Variants in PRKCE observed in about 807,000 individuals in gnomAD.
PRKCE encodes the protein protein kinase C epsilon type.
A neutral mutation model predicts 85.4 loss-of-function variants in PRKCE; 16 were observed. The observed-to-expected ratio is 0.19, with a 90% CI of 0.13 to 0.28. PRKCE has a LOEUF of 0.28. Among genes scored for constraint, PRKCE ranks in the 10% least tolerant of loss-of-function variants. PRKCE has a pLI of 1.00. For missense variants in PRKCE, 573 were observed against 975.2 expected, an observed-to-expected ratio of 0.59 and a Z score of 5.49; for synonymous variants, 388 against 371.5, an observed-to-expected ratio of 1.04 and a Z score of -0.51.
At chr2:46,114,590 T>G (rs1366673157) in intron 11 of PRKCE, among the ~76,000 whole-genome samples, 1 of 151,624 alleles carries the variant, frequency 6.6e-6, no homozygotes, top group African/African-American at 2.4e-5. Flanking sequence ...GCTAATTTTT[T>G]GTGTTTTTTT....
At chr2:45,767,289 A>G (rs926447135) in intron 1 of PRKCE, among the ~76,000 whole-genome samples, 2 of 152,250 alleles carry the variant, frequency 1.3e-5, no homozygotes, top group Non-Finnish European at 2.9e-5. Context: ...AAAAAAAGGA[A>G]CAAGAAAGTA....
chr2:46,184,560 C>G lies in PRKCE; in HGVS notation c.2068-175C>G, dbSNP rs1291107103. Among the ~76,000 whole-genome samples, 1 of 152,166 alleles carries G rather than the reference C, an allele frequency of 6.6e-6. No individual in the cohort carries two copies. Among genetic ancestry groups the G allele is most frequent in the Non-Finnish European group, 1.5e-5 (1 of 68,036 alleles). The stretch of plus-strand genomic sequence containing the variant: ...TTCTTCCTCTCCTCGTCTCTCACCT[C>G]CGGGTCCTGGGGCCATCCATCGTTA... On this transcript the variant is annotated intron_variant, in intron 14 of 14. Coordinates refer to ENST00000306156, the MANE Select transcript of PRKCE (RefSeq NM_005400.3). This position sits in a 1 kb window ranked among gnomAD's most constrained non-coding sequence, Gnocchi z 5.0.
At chr2:45,993,466 T>G (rs1339231330) in intron 6 of PRKCE, among the ~76,000 whole-genome samples, 1 of 152,046 alleles carries the variant, frequency 6.6e-6, no homozygotes, top group Admixed American at 6.5e-5. Flanking sequence ...TCAGGGGAAA[T>G]AGCAGACTTT....
At chr2:46,006,174 G>C (rs1273994543) in intron 8 of PRKCE, among the ~76,000 whole-genome samples, 1 of 152,334 alleles carries the variant, frequency 6.6e-6, no homozygotes, top group East Asian at 1.9e-4. Flanking sequence ...TTACAGAACA[G>C]AAATAAGACA....
At position 46,114,292 on chromosome 2, in the gene PRKCE, C is replaced by T. The variant is rs936505947; in HGVS notation, c.1592+27930C>T. Among the ~76,000 whole-genome samples the T allele has an allele frequency of 7.3e-5, 11 of 151,722 alleles. No homozygotes were observed. In the East Asian group the frequency reaches 1.4e-3, roughly 19 times the overall value. ...TTTCTGTGCCTGTCTTAGTGTCCAG[C>T]GATCAGGGGGGCTTTGTGGATGATT... On this transcript the variant is annotated intron_variant, in intron 11 of 14. Coordinates refer to ENST00000306156, the MANE Select transcript of PRKCE (RefSeq NM_005400.3).
rs12624098 is a variant in PRKCE, at chr2:46,084,743, A to G, written c.1438-1465A>G. 3.8e-4 allele frequency among the ~76,000 whole-genome samples: 55 copies of G among 145,232 alleles called. No individual in the cohort carries two copies. In the East Asian group the frequency reaches 0.011, roughly 28 times the overall value. ...CAAAAAAAAAAAAAAAAAAAAAAGA[A>G]TGTGCTCTGCCTCTCTGGCCTTTTA... On this transcript the variant is annotated intron_variant, in intron 10 of 14. Coordinates refer to ENST00000306156, the MANE Select transcript of PRKCE (RefSeq NM_005400.3).
chr2:45,898,348 T>C (rs1558808872), intron 2 of PRKCE, among the ~76,000 whole-genome samples: 2 of 152,186 alleles, frequency 1.3e-5, no homozygotes, highest in Non-Finnish European at 2.9e-5. Flanking sequence ...AGCATGTTAG[T>C]GTGATTAGGA....
chr2:45,811,332 A>G (rs1688639029), intron 1 of PRKCE, among the ~76,000 whole-genome samples: 1 of 152,250 alleles, frequency 6.6e-6, no homozygotes, highest in South Asian at 2.1e-4. Flanking sequence ...CTGCCTAAGT[A>G]CTGTTAGAAT....
intron 2 of PRKCE, among the ~76,000 whole-genome samples, chr2:45,917,979 G>T (rs1010157930): frequency 6.6e-6 from 1 of 152,194 alleles, no homozygotes; most frequent in Non-Finnish European, 1.5e-5. Flanking sequence ...TGCGGGGCCC[G>T]CCAAGCCCAC....
chr2:45,816,773 C>T (rs1689081374), intron 1 of PRKCE, among the ~76,000 whole-genome samples: 1 of 152,152 alleles, frequency 6.6e-6, no homozygotes, highest in Non-Finnish European at 1.5e-5. Flanking sequence ...TCTCACTGCC[C>T]TGTTACCTCC....
Position 45,652,074 on chromosome 2 carries a change from C to T in PRKCE, c.-27C>T, listed in dbSNP as rs12615066. The stretch of plus-strand genomic sequence containing the variant: ...CCTGCCCTCGGGGCAGACGGAGTGA[C>T]CCCGGCCCCCACTCCCCGCCCCGAC... On this transcript the variant is annotated 5_prime_UTR_variant, in exon 1 of 15. Transcript: ENST00000306156. This position sits in a 1 kb window ranked among gnomAD's most constrained non-coding sequence, Gnocchi z 7.7. The T allele has an allele frequency of 8.8e-4, 1,314 of 1,487,972 alleles. 18 individuals carry two copies. The East Asian group carries it at 0.024, about 27-fold the overall frequency. 92.2% of individuals were successfully genotyped at this position (1,487,972 alleles called of 1,614,324 possible).
chr2:45,659,553 G>C (rs1051206749), intron 1 of PRKCE, among the ~76,000 whole-genome samples: 1 of 152,104 alleles, frequency 6.6e-6, no homozygotes, highest in African/African-American at 2.4e-5. Flanking sequence ...GACCAACAAA[G>C]TCAGGCCTTC....
At chr2:45,842,224 G>A (rs1691409191) in intron 1 of PRKCE, among the ~76,000 whole-genome samples, 1 of 152,140 alleles carries the variant, frequency 6.6e-6, no homozygotes, top group Admixed American at 6.5e-5. Flanking sequence ...GATTTGAGGT[G>A]GGGAGGGAGG....
chr2:45,842,517 T>C (rs1171335963), intron 1 of PRKCE, among the ~76,000 whole-genome samples: 1 of 152,218 alleles, frequency 6.6e-6, no homozygotes, highest in African/African-American at 2.4e-5. Flanking sequence ...TGGCATTGAA[T>C]CTCAGCATTA....
At chr2:45,750,471 G>C (rs1032655695) in intron 1 of PRKCE, among the ~76,000 whole-genome samples, 1 of 150,462 alleles carries the variant, frequency 6.6e-6, no homozygotes, top group African/African-American at 2.5e-5. Context: ...TTGGTGTAGA[G>C]CTGTGCCCCT....
chr2:45,983,335 C>A (rs61756860), intron 5 of PRKCE, among the ~76,000 whole-genome samples: 1 of 151,996 alleles, frequency 6.6e-6, no homozygotes, highest in Non-Finnish European at 1.5e-5. Flanking sequence ...TGAGGCCCAG[C>A]TTTGCCGCAT....
At chr2:46,057,135 G>A (rs1204454534) in intron 10 of PRKCE, among the ~76,000 whole-genome samples, 1 of 152,224 alleles carries the variant, frequency 6.6e-6, no homozygotes, top group African/African-American at 2.4e-5. Flanking sequence ...CCTCAGGGCA[G>A]TCAAGCTGCT....
At chr2:45,737,877 C>G (rs887693907) in intron 1 of PRKCE, among the ~76,000 whole-genome samples, 1 of 152,118 alleles carries the variant, frequency 6.6e-6, no homozygotes, top group Non-Finnish European at 1.5e-5. Flanking sequence ...TCAACAAAAC[C>G]AGGAACAAAT....
At chr2:46,099,897 T>C (rs766944058) in intron 11 of PRKCE, among the ~76,000 whole-genome samples, 10 of 152,202 alleles carry the variant, frequency 6.6e-5, no homozygotes, top group Non-Finnish European at 1.5e-4. Flanking sequence ...TTCACCTGTC[T>C]TTTTAGTCTT....
Sources: allele counts gnomAD v4.1 joint callset (sites outside exome capture counted in the v4.1 genomes callset), GRCh38; gene constraint gnomAD v4.1.1; non-coding constraint Gnocchi (gnomAD v3.1); transcripts MANE v1.5; gene names NCBI Gene and HGNC (gene_info 2026-07-23, HGNC 2026-07-21).